Variants in SLIT3 observed in about 807,000 individuals in gnomAD.
The protein encoded by SLIT3 is slit guidance ligand 3, also known as slit homolog 3 protein.
A neutral mutation model predicts 184.0 loss-of-function variants in SLIT3; 68 were observed. The ratio of observed to expected loss-of-function variants is 0.37; its 90% confidence interval spans 0.30 to 0.45. The LOEUF (loss-of-function observed/expected upper bound fraction) is 0.45, where lower values mean the gene tolerates loss of function less well. Among genes scored for constraint, SLIT3 ranks in the 20% least tolerant of loss-of-function variants. The pLI is 1.00. For synonymous variants in SLIT3, 831 were observed against 828.6 expected, an observed-to-expected ratio of 1.00 and a Z score of -0.05; for missense variants, 1,707 against 2,026.0, an observed-to-expected ratio of 0.84 and a Z score of 3.02.
intron 27 of SLIT3, among the ~76,000 whole-genome samples, chr5:168,698,530 G>T (rs1168013029): frequency 6.6e-6 from 1 of 152,152 alleles, no homozygotes; most frequent in Non-Finnish European, 1.5e-5. Flanking sequence ...GAGGCTCAGA[G>T]GGAGCATGGC....
At chr5:168,993,494 C>G (rs75510438) in intron 4 of SLIT3, among the ~76,000 whole-genome samples, 2,303 of 152,350 alleles carry the variant, frequency 0.015, 30 homozygotes, top group Middle Eastern at 0.037. Context: ...AAAGGCCAGA[C>G]AAAATCCCCC....
chr5:168,988,807 GCCTCGAAAGCCTT>G (rs1188933613), intron 4 of SLIT3, among the ~76,000 whole-genome samples: 2 of 152,144 alleles, frequency 1.3e-5, no homozygotes, highest in Non-Finnish European at 2.9e-5. Context: ...CTAGAATTGA[GCCTCGAAAGCCTT>G]CCTGGGTTTT....
intron 4 of SLIT3, among the ~76,000 whole-genome samples, 189 bp downstream of exon 4, chr5:169,193,290 G>A (rs1478048134): frequency 1.3e-5 from 2 of 152,186 alleles, no homozygotes; most frequent in Non-Finnish European, 2.9e-5. Flanking sequence ...ATGTCTGAGA[G>A]AAGGAGCAAG....
intron 5 of SLIT3, among the ~76,000 whole-genome samples, chr5:168,860,477 TTA>T (rs1759063030): frequency 6.6e-6 from 1 of 152,264 alleles, no homozygotes; most frequent in African/African-American, 2.4e-5. Flanking sequence ...GGTATATTAA[TTA>T]TGTTTTTAAA....
chr5:168,748,529 T>C lies in SLIT3; in HGVS notation c.2138-95A>G, dbSNP rs1754583756. 4.0e-6 allele frequency: 5 copies of C among 1,237,560 alleles called. No individual in the cohort carries two copies. In the African/African-American group the frequency reaches 6.4e-5, roughly 16 times the overall value. 76.7% of individuals were successfully genotyped at this position (1,237,560 alleles called of 1,614,324 possible). On this transcript the variant is annotated intron_variant, in intron 19 of 35. Coordinates refer to ENST00000519560, the MANE Select transcript of SLIT3 (RefSeq NM_003062.4). Reference sequence around the variant, plus strand: ...GCTGCGTGTTCTCCACAAAGACAAGTTGTCCCCTGTCCCCGCTGTGTTCTA... The same window carrying C: ...GCTGCGTGTTCTCCACAAAGACAAGCTGTCCCCTGTCCCCGCTGTGTTCTA...
chr5:169,225,498 T>C lies in SLIT3; in HGVS notation c.341+19207A>G, dbSNP rs141207867. On this transcript the variant is annotated intron_variant, in intron 3 of 35. Coordinates refer to ENST00000519560, the MANE Select transcript of SLIT3 (RefSeq NM_003062.4). ...CAGGCACGATGCTAGGTACCAGTGA[T>C]ACTGTGCTTTGGCCACACAAATATG... 2.0e-5 allele frequency among the ~76,000 whole-genome samples: 3 copies of C among 152,328 alleles called. No homozygotes were observed. In the East Asian group the frequency reaches 5.8e-4, roughly 29 times the overall value.
chr5:169,272,817 A>C (rs1468263827), intron 1 of SLIT3, among the ~76,000 whole-genome samples: 19 of 152,148 alleles, frequency 1.2e-4, no homozygotes, highest in Admixed American at 1.2e-3. Flanking sequence ...GCACTTCTGA[A>C]TCCTCTGGGC....
At chr5:168,833,893 C>G (rs2113692349) in intron 6 of SLIT3, among the ~76,000 whole-genome samples, 1 of 152,252 alleles carries the variant, frequency 6.6e-6, no homozygotes, top group Middle Eastern at 3.4e-3. Context: ...ATTTCACTCT[C>G]TAATTCCAAT....
At chr5:168,970,421 G>T (rs750783227) in intron 4 of SLIT3, among the ~76,000 whole-genome samples, 3 of 151,564 alleles carry the variant, frequency 2.0e-5, no homozygotes, top group Non-Finnish European at 4.4e-5. Flanking sequence ...CTTGAACCCC[G>T]CAGGCGGAGG....
At chr5:168,825,532 AACAG>A in intron 6 of SLIT3, among the ~76,000 whole-genome samples, 1 of 152,168 alleles carries the variant, frequency 6.6e-6, no homozygotes, top group East Asian at 1.9e-4. Context: ...AAGAAGAACG[AACAG>A]ACAAAATTTA....
intron 32 of SLIT3, among the ~76,000 whole-genome samples, chr5:168,681,673 C>T (rs768504078): frequency 1.9e-4 from 29 of 152,178 alleles, no homozygotes; most frequent in Admixed American, 3.3e-4. Flanking sequence ...TTTCATAACT[C>T]AGCACAGTGC....
intron 11 of SLIT3, among the ~76,000 whole-genome samples, chr5:168,787,470 T>G (rs1025145637): frequency 6.6e-6 from 1 of 152,248 alleles, no homozygotes; most frequent in African/African-American, 2.4e-5. Flanking sequence ...TTGGCTTGAC[T>G]ACCTTCTTCT....
At chr5:169,152,775 C>G (rs1222678587) in intron 4 of SLIT3, among the ~76,000 whole-genome samples, 1 of 152,070 alleles carries the variant, frequency 6.6e-6, no homozygotes, top group Non-Finnish European at 1.5e-5. Context: ...TATTTCCTTC[C>G]CTGACACTGT....
intron 4 of SLIT3, chr5:169,023,993 T>G (rs1174755226): frequency 2.0e-5 from 3 of 152,238 alleles, no homozygotes; most frequent in Admixed American, 1.3e-4. Flanking sequence ...GGCTGTGTCC[T>G]GACCTATGGA....
chr5:169,093,108 T>C lies in SLIT3; in HGVS notation c.413+100371A>G, dbSNP rs1759650315. Among the ~76,000 whole-genome samples the C allele has an allele frequency of 2.0e-5, 3 of 152,212 alleles. No individual in the cohort carries two copies. In the South Asian group the frequency reaches 6.2e-4, roughly 32 times the overall value. On this transcript the variant is annotated intron_variant, in intron 4 of 35. Transcript: ENST00000519560. ...GTGACAGAAACTGGTTTAAGAACAA[T>C]AGGAATTTATTTATAACTGTAAATT...
chr5:169,234,081 T>C (rs1030065011), intron 3 of SLIT3, among the ~76,000 whole-genome samples: 2 of 152,230 alleles, frequency 1.3e-5, no homozygotes, highest in Non-Finnish European at 2.9e-5. Flanking sequence ...ACTTTTCTTA[T>C]TTCTTCTGTT....
intron 16 of SLIT3, among the ~76,000 whole-genome samples, chr5:168,754,424 G>A (rs1000197568): frequency 6.6e-6 from 1 of 152,106 alleles, no homozygotes; most frequent in African/African-American, 2.4e-5. Flanking sequence ...CTCATATGTG[G>A]GAGCTAAAAA....
At chr5:169,203,351 G>GCGCACACA (rs1316849336) in intron 3 of SLIT3, among the ~76,000 whole-genome samples, 16 of 147,424 alleles carry the variant, frequency 1.1e-4, no homozygotes, top group African/African-American at 3.8e-4. Flanking sequence ...ATGTGAATGT[G>GCGCACACA]CACACACACA....
intron 1 of SLIT3, among the ~76,000 whole-genome samples, chr5:169,266,935 G>C (rs1766416000): frequency 1.3e-5 from 2 of 152,176 alleles, no homozygotes; most frequent in South Asian, 4.1e-4. Flanking sequence ...ATGTTTTTAA[G>C]AAGGCCACTT....
Sources: allele counts gnomAD v4.1 joint callset (sites outside exome capture counted in the v4.1 genomes callset), GRCh38; gene constraint gnomAD v4.1.1; transcripts MANE v1.5; gene names NCBI Gene and HGNC (gene_info 2026-07-23, HGNC 2026-07-21).